CDH12: variants seen among roughly 807,000 people sequenced by gnomAD.
CDH12 encodes the protein cadherin-12.
Under a neutral mutation model 74.1 loss-of-function variants are expected in CDH12, and 41 were observed. That is an observed-to-expected ratio of 0.55 (90% CI 0.43 to 0.72). The LOEUF (loss-of-function observed/expected upper bound fraction) is 0.72. Ranked by LOEUF, CDH12 falls within the 30% of genes least tolerant of loss-of-function variation. CDH12 has a pLI of 0.00. For missense variants in CDH12, 945 were observed against 977.2 expected (o/e 0.97, Z 0.44); for synonymous variants, 399 against 355.0 (o/e 1.12, Z -1.39).
At chr5:22,191,807 G>A (rs969413437) in intron 4 of CDH12, among the ~76,000 whole-genome samples, 33 of 151,832 alleles carry the variant, frequency 2.2e-4, no homozygotes, top group Admixed American at 5.2e-4. Context: ...CTCGTGATCC[G>A]CCCGCCTCGG....
At chr5:22,807,230 T>C (rs560536530) in intron 1 of CDH12, among the ~76,000 whole-genome samples, 1 of 152,244 alleles carries the variant, frequency 6.6e-6, no homozygotes, top group Non-Finnish European at 1.5e-5. Flanking sequence ...CATATGGGAA[T>C]AATATTATAG....
intron 1 of CDH12, among the ~76,000 whole-genome samples, chr5:22,599,130 T>C (rs1172863486): frequency 6.6e-6 from 1 of 152,200 alleles, no homozygotes; most frequent in African/African-American, 2.4e-5. Flanking sequence ...TATTGCCAAT[T>C]GCATATCCTA....
intron 1 of CDH12, among the ~76,000 whole-genome samples, chr5:22,786,282 T>C (rs961515504): frequency 1.3e-5 from 2 of 152,126 alleles, no homozygotes; most frequent in Non-Finnish European, 2.9e-5. Context: ...CATGGGCACA[T>C]AGAGGGGAAT....
intron 3 of CDH12, among the ~76,000 whole-genome samples, chr5:22,217,244 G>A (rs1199705536): frequency 4.0e-5 from 6 of 151,816 alleles, no homozygotes; most frequent in Middle Eastern, 3.4e-3. Context: ...ATTATAACAC[G>A]TTTCTTTAAA....
intron 8 of CDH12, among the ~76,000 whole-genome samples, chr5:21,822,390 A>C (rs1388106016): frequency 6.6e-6 from 1 of 152,046 alleles, no homozygotes; most frequent in Admixed American, 6.6e-5. Context: ...ATTTTAATTA[A>C]AATATTTTCC....
intron 1 of CDH12, among the ~76,000 whole-genome samples, chr5:22,793,225 T>G (rs1707082): frequency 0.13 from 19,835 of 152,198 alleles, 2,198 homozygotes; most frequent in African/African-American, 0.3. Context: ...CAGAGAGTTG[T>G]CTTTTTAGAT....
At position 21,884,286 on chromosome 5, in the gene CDH12, G is replaced by A. The variant is rs1033583000; in HGVS notation, c.527-29496C>T. The A allele has an allele frequency of 1.2e-5, 17 of 1,456,594 alleles. No homozygotes were observed. The African/African-American group carries it at 1.8e-4, about 16-fold the overall frequency. The allele number at this position is 1,456,594 out of a possible 1,614,324, so 90.2% of individuals were successfully genotyped here. A position where few individuals can be genotyped will look rare whatever the true frequency, so the allele number is the denominator to read the frequency against. ...AATGGGTGCAATGGGTGGAATGGGA[G>A]GTGGTATGGGAGGTGGCATGTTCTA... is the stretch of plus-strand genomic sequence containing the variant. On this transcript the variant is annotated intron_variant, in intron 6 of 14. Coordinates refer to ENST00000382254, the MANE Select transcript of CDH12 (RefSeq NM_004061.5).
chr5:21,821,030 G>T (rs1748341107), intron 8 of CDH12, among the ~76,000 whole-genome samples: 1 of 151,884 alleles, frequency 6.6e-6, no homozygotes, highest in Non-Finnish European at 1.5e-5. Context: ...GGAGGAAATT[G>T]CATGCAGTGA....
chr5:21,875,549 T>C (rs1751881996), intron 6 of CDH12, among the ~76,000 whole-genome samples: 1 of 296 alleles, frequency 3.4e-3, no homozygotes, highest in Non-Finnish European at 0.014. Flanking sequence ...GTTTTGAATA[T>C]ACCATTGCTC....
At chr5:22,625,168 G>A (rs1239309295) in intron 1 of CDH12, among the ~76,000 whole-genome samples, 1 of 152,080 alleles carries the variant, frequency 6.6e-6, no homozygotes, top group African/African-American at 2.4e-5. Context: ...CTTGGGTTGT[G>A]GGGAGCGGGG....
Position 22,136,188 on chromosome 5 carries a change from T to C in CDH12, c.-186-57326A>G, listed in dbSNP as rs1746450133. Among the ~76,000 whole-genome samples, 8 of 151,518 alleles carry C rather than the reference T, an allele frequency of 5.3e-5. No homozygotes were observed. The Admixed American group carries it at 5.3e-4, about 10-fold the overall frequency. On this transcript the variant is annotated intron_variant, in intron 4 of 14. Coordinates refer to ENST00000382254, the MANE Select transcript of CDH12 (RefSeq NM_004061.5). Reference sequence around the variant, plus strand: ...AAAGAAATTAAGATGGTAGGTGTGGTGGAAGGAGAGGAGGTAAATGCAGGC... The same window carrying C: ...AAAGAAATTAAGATGGTAGGTGTGGCGGAAGGAGAGGAGGTAAATGCAGGC...
At chr5:22,456,800 A>C (rs2126574899) in intron 2 of CDH12, among the ~76,000 whole-genome samples, 1 of 152,324 alleles carries the variant, frequency 6.6e-6, no homozygotes, top group South Asian at 2.1e-4. Flanking sequence ...ACCTAGCAGT[A>C]CAGGATCTCT....
chr5:22,583,569 T>G (rs962348852), intron 1 of CDH12, among the ~76,000 whole-genome samples: 1 of 152,188 alleles, frequency 6.6e-6, no homozygotes, highest in Non-Finnish European at 1.5e-5. Flanking sequence ...AGATATGTTC[T>G]GTTTGTAACA....
chr5:21,877,499 T>C (rs1424224979), intron 6 of CDH12, among the ~76,000 whole-genome samples: 4 of 152,214 alleles, frequency 2.6e-5, no homozygotes. Context: ...TTGTGTAAGT[T>C]AATAAAGGAA....
At chr5:22,038,383 C>T (rs368183825) in intron 5 of CDH12, among the ~76,000 whole-genome samples, 3 of 152,264 alleles carry the variant, frequency 2.0e-5, no homozygotes, top group East Asian at 3.9e-4. Flanking sequence ...CTGCTCATTG[C>T]CTCCTGGGGA....
intron 6 of CDH12, among the ~76,000 whole-genome samples, chr5:21,911,223 T>A (rs1280915200): frequency 6.6e-6 from 1 of 152,138 alleles, no homozygotes; most frequent in African/African-American, 2.4e-5. Context: ...GAGCTTCTCA[T>A]TAAAGTCATA....
At chr5:22,549,292 T>C (rs1738463477) in intron 1 of CDH12, among the ~76,000 whole-genome samples, 1 of 152,102 alleles carries the variant, frequency 6.6e-6, no homozygotes, top group African/African-American at 2.4e-5. Flanking sequence ...CTTCTTAAGA[T>C]TTACTTTTGT....
At chr5:21,823,453 A>G (rs1163324616) in intron 8 of CDH12, among the ~76,000 whole-genome samples, 1 of 152,032 alleles carries the variant, frequency 6.6e-6, no homozygotes, top group African/African-American at 2.4e-5. Context: ...TTGGCCATGT[A>G]CTTTTGTTGC....
chr5:22,430,673 TA>T (rs1469584650), intron 2 of CDH12, among the ~76,000 whole-genome samples: 3 of 152,126 alleles, frequency 2.0e-5, no homozygotes, highest in African/African-American at 7.2e-5. Flanking sequence ...AAATTGTTAC[TA>T]GGCAATTGGG....
Sources: gnomAD v4.1 joint callset for allele counts (sites outside exome capture counted in the v4.1 genomes callset) on GRCh38, gnomAD v4.1.1 for gene constraint, MANE v1.5 for transcripts, NCBI Gene and HGNC (gene_info 2026-07-23, HGNC 2026-07-21) for gene names.